The following ZNF568 variants were observed in gnomAD, a reference collection of about 807,000 sequenced individuals.
The protein encoded by ZNF568 is zinc finger protein 568, also known as p53 inhibitor of SCO2 activation.
ZNF568 carries 11 observed loss-of-function variants against 18.1 expected under a neutral mutation model. That is an observed-to-expected ratio of 0.61 (90% CI 0.38 to 1.00). The LOEUF (loss-of-function observed/expected upper bound fraction) is 1.00, where lower values mean the gene tolerates loss of function less well. Among genes scored for constraint, ZNF568 ranks in the 50% least tolerant of loss-of-function variants. The probability of loss-of-function intolerance (pLI) is 0.01; values close to 1 mark genes in which losing one functional copy is unlikely to be tolerated. For missense variants in ZNF568, 639 were observed against 768.2 expected (o/e 0.83, Z 1.99); for synonymous variants, 213 against 246.6 (o/e 0.86, Z 1.28).
In ZNF568 at chr19:36,997,038, AC is replaced by A. The variant is rs1568412220; in HGVS notation, c.955del (p.His319IlefsTer16). The stretch of plus-strand genomic sequence containing the variant: ...ATCAAAGAATCCATACGGGTGAGAA[AC>A]CCCATAAATGTAAGGAATGTGGAAA... On this transcript the variant is annotated frameshift_variant, in exon 5 of 5. Coordinates refer to the ZNF568 transcript ENST00000433993. LOFTEE classifies it low-confidence loss of function (END_TRUNC). 2 of 1,563,588 alleles carry A rather than the reference AC, an allele frequency of 1.3e-6. No individual in the cohort carries two copies. Among genetic ancestry groups the A allele is most frequent in the South Asian group, 1.2e-5 (1 of 86,132 alleles).
chr19:36,936,760 T>C lies in ZNF568; in HGVS notation c.150T>C (p.Phe50=). 2 of 1,613,368 alleles carry C rather than the reference T, an allele frequency of 1.2e-6. No individual in the cohort carries two copies. Among genetic ancestry groups the C allele is most frequent in the East Asian group, 2.2e-5 (1 of 44,870 alleles). The change falls in exon 5 of 7, where the codon TTT becomes TTC. Residue 50 remains phenylalanine (F), a synonymous_variant. Transcript: ENST00000333987. ...TGTTTTTACAGGAAACAGTGACATT[T>C]AAGGATGTGGCTGTTGACCTTACCC... ...DTTRPLETVT[F]KDVAVDLTQE... is the part of the protein sequence containing the mutation.
At chr19:36,983,737 T>C (rs1190901769), downstream of ZNF568, among the ~76,000 whole-genome samples, 3 of 152,070 alleles carry the variant, frequency 2.0e-5, no homozygotes, top group Admixed American at 1.3e-4. Flanking sequence ...TATGCATATG[T>C]GTATGTATAT....
rs1422564182 is a variant in ZNF568 at position 36,949,926 on chromosome 19, C to G, written c.773C>G (p.Ala258Gly). 2 of 1,613,704 alleles carry G rather than the reference C, an allele frequency of 1.2e-6. No homozygotes were observed. Among genetic ancestry groups the G allele is most frequent in the East Asian group, 4.5e-5 (2 of 44,874 alleles). Residue 258 changes from alanine (A) to glycine (G), a missense_variant, in exon 7 of 7, where the codon GCC (alanine) becomes GGC (glycine). By Grantham distance (60) the Ala-to-Gly change is moderately conservative. Coordinates refer to ENST00000333987, the MANE Select transcript of ZNF568 (RefSeq NM_198539.4). ...KPYECKECGK[A>G]FSRKENLITH... Reference sequence around the variant, plus strand: ...TACGAATGTAAAGAATGTGGAAAAGCCTTCAGTAGGAAGGAAAATCTTATT... The same window carrying G: ...TACGAATGTAAAGAATGTGGAAAAGGCTTCAGTAGGAAGGAAAATCTTATT...
intron 6 of ZNF568, chr19:36,974,343 C>A: frequency 3.1e-6 from 4 of 1,281,708 alleles, no homozygotes; most frequent in Admixed American, 4.1e-5. Flanking sequence ...TGGGGTGGGG[C>A]AGGAGTTTGG....
At chr19:36,956,886 C>T (rs2146319382), downstream of ZNF568, among the ~76,000 whole-genome samples, 1 of 152,236 alleles carries the variant, frequency 6.6e-6, no homozygotes, top group Non-Finnish European at 1.5e-5. Flanking sequence ...GTGTTAGCCA[C>T]AGCACCCAAC....
chr19:36,945,622 G>A (rs2073950742), intron 6 of ZNF568, among the ~76,000 whole-genome samples: 1 of 152,056 alleles, frequency 6.6e-6, no homozygotes, highest in Non-Finnish European at 1.5e-5. Flanking sequence ...TCAAAAGTTA[G>A]AAACATTTGC....
Position 36,950,766 on chromosome 19 carries a change from C to CTT in ZNF568, c.1615_1616dup (p.Gln541ValfsTer38). Reference sequence around the variant, plus strand: ...TATCATTGTAATCAATGTGGGAAAGCTTTCAGTCAGAGACAAAATCTTCTT... The same window carrying CTT: ...TATCATTGTAATCAATGTGGGAAAGCTTTTTCAGTCAGAGACAAAATCTTCTT... On this transcript the variant is annotated frameshift_variant, in exon 7 of 7. Transcript: ENST00000333987. LOFTEE classifies it low-confidence loss of function (END_TRUNC). 6.2e-7 allele frequency: 1 copy of CTT among 1,613,614 alleles called. No homozygotes were observed. Among genetic ancestry groups the CTT allele is most frequent in the Non-Finnish European group, 8.5e-7 (1 of 1,179,968 alleles).
At chr19:36,946,285 TCTC>T (rs1465422523) in intron 6 of ZNF568, among the ~76,000 whole-genome samples, 8 of 152,058 alleles carry the variant, frequency 5.3e-5, no homozygotes, top group African/African-American at 1.9e-4. Flanking sequence ...CACAATCACT[TCTC>T]CTTTCCTTTT....
intron 2 of ZNF568, among the ~76,000 whole-genome samples, chr19:36,985,995 A>T (rs2074373180): frequency 6.6e-6 from 1 of 152,148 alleles, no homozygotes; most frequent in Non-Finnish European, 1.5e-5. Context: ...TTGAGGCCTG[A>T]TTGAAGGTTG....
At chr19:36,932,612 T>C (rs1375331062) in intron 4 of ZNF568, among the ~76,000 whole-genome samples, 1 of 152,074 alleles carries the variant, frequency 6.6e-6, no homozygotes, top group East Asian at 1.9e-4. Flanking sequence ...AAAACAGAAT[T>C]GCCCTACTGT....
intron 6 of ZNF568, among the ~76,000 whole-genome samples, chr19:36,942,146 C>T (rs1429726628): frequency 1.3e-5 from 2 of 151,696 alleles, no homozygotes; most frequent in Non-Finnish European, 1.5e-5. Flanking sequence ...CCACGCCCGG[C>T]TAATTTTTTG....
chr19:36,975,681 C>T (rs1600846505), intron 7 of ZNF568, among the ~76,000 whole-genome samples: 28 of 75,754 alleles, frequency 3.7e-4, no homozygotes, highest in South Asian at 5.2e-4. Context: ...CGCGCCAAGA[C>T]TTTTTTTTTT....
chr19:36,990,312 A>G (rs1436850885), intron 2 of ZNF568, among the ~76,000 whole-genome samples: 1 of 152,144 alleles, frequency 6.6e-6, no homozygotes. Flanking sequence ...ATTTAGCCAG[A>G]TGTATAAATT....
chr19:36,928,240 T>A (rs2146277788), intron 4 of ZNF568, among the ~76,000 whole-genome samples: 1 of 152,014 alleles, frequency 6.6e-6, no homozygotes, highest in Admixed American at 6.6e-5. Flanking sequence ...TCTGTCACAA[T>A]TAAAGATGTT....
chr19:36,946,590 T>C (rs1181520723), intron 6 of ZNF568, among the ~76,000 whole-genome samples: 1 of 151,632 alleles, frequency 6.6e-6, no homozygotes, highest in Non-Finnish European at 1.5e-5. Flanking sequence ...CTAAACATCT[T>C]CCAAAATTCT....
chr19:36,950,570 C>T lies in ZNF568; in HGVS notation c.1417C>T (p.Pro473Ser), dbSNP rs368700254. 6.2e-7 allele frequency: 1 copy of T among 1,613,690 alleles called. No individual in the cohort carries two copies. The change falls in exon 7 of 7, where the codon CCT becomes TCT. Residue 473 changes from proline to serine, a missense_variant. Coordinates refer to ENST00000333987, the MANE Select transcript of ZNF568 (RefSeq NM_198539.4). ...THQKIHTGEK[P>S]YECSECGKAF... The stretch of plus-strand genomic sequence containing the variant: ...TCAGAAAATTCACACTGGAGAGAAA[C>T]CTTATGAATGCAGTGAATGTGGGAA...
At chr19:36,984,565 G>GATTATCCA (rs2146343728), downstream of ZNF568, among the ~76,000 whole-genome samples, 1 of 152,046 alleles carries the variant, frequency 6.6e-6, no homozygotes, top group South Asian at 2.1e-4. Flanking sequence ...TGTTATCTTA[G>GATTATCCA]ATTATCCATG....
chr19:36,928,837 T>C (rs185815283), intron 4 of ZNF568, among the ~76,000 whole-genome samples: 151 of 152,292 alleles, frequency 9.9e-4, no homozygotes, highest in African/African-American at 3.3e-3. Context: ...AAATTATTAC[T>C]GAGATAGAGG....
chr19:36,992,309 C>A (rs2074432591), intron 4 of ZNF568, among the ~76,000 whole-genome samples: 1 of 151,046 alleles, frequency 6.6e-6, no homozygotes, highest in African/African-American at 2.4e-5. Context: ...CAAGACCAAC[C>A]TGGCCAACAT....
Sources: allele counts gnomAD v4.1 joint callset (sites outside exome capture counted in the v4.1 genomes callset), GRCh38; gene constraint gnomAD v4.1.1; transcripts MANE v1.5; gene names NCBI Gene and HGNC (gene_info 2026-07-23, HGNC 2026-07-21).